The following GALNTL6 variants were observed in gnomAD, a reference collection of about 807,000 sequenced individuals.
GALNTL6 encodes polypeptide N-acetylgalactosaminyltransferase-like 6.
GALNTL6 carries 46 observed loss-of-function variants against 73.7 expected under a neutral mutation model. The observed-to-expected ratio is 0.62, with a 90% CI of 0.49 to 0.80. The LOEUF (loss-of-function observed/expected upper bound fraction) is 0.80, where lower values mean the gene tolerates loss of function less well. GALNTL6 is among the 30% of genes least tolerant of loss of function. The probability of loss-of-function intolerance (pLI) is 0.00; values close to 1 mark genes in which losing one functional copy is unlikely to be tolerated. For synonymous variants in GALNTL6, 259 were observed against 263.7 expected (o/e 0.98, Z 0.17); for missense variants, 604 against 755.0 (o/e 0.80, Z 2.34).
chr4:172,953,855 G>T (rs531486864), intron 10 of GALNTL6, among the ~76,000 whole-genome samples: 1 of 152,300 alleles, frequency 6.6e-6, no homozygotes, highest in Admixed American at 6.5e-5. Flanking sequence ...AGTAATATTA[G>T]CCTGCTTGTA....
At chr4:172,868,539 G>A (rs1744772983) in intron 7 of GALNTL6, among the ~76,000 whole-genome samples, 1 of 152,206 alleles carries the variant, frequency 6.6e-6, no homozygotes, top group South Asian at 2.1e-4. Context: ...CAATGCACCA[G>A]TGGATCTTTG....
intron 7 of GALNTL6, among the ~76,000 whole-genome samples, chr4:172,848,290 C>A (rs1743621623): frequency 6.6e-6 from 1 of 152,166 alleles, no homozygotes; most frequent in Non-Finnish European, 1.5e-5. Context: ...ATCTAAGCAT[C>A]CTTCCTGTCA....
chr4:172,599,389 A>C (rs980172536), intron 5 of GALNTL6, among the ~76,000 whole-genome samples: 5 of 152,268 alleles, frequency 3.3e-5, no homozygotes, highest in African/African-American at 1.2e-4. Context: ...TGCCAAAAAT[A>C]AAGAAAAAAA....
Position 172,651,364 on chromosome 4 carries a change from C to CA in GALNTL6, c.554-157994dup, listed in dbSNP as rs145184057. Among the ~76,000 whole-genome samples the CA allele has an allele frequency of 4.0e-3, 606 of 152,302 alleles. 3 individuals carry two copies. Among genetic ancestry groups the CA allele is most frequent in the African/African-American group, 0.014 (570 of 41,566 alleles). ...GCTGTGAATGCAATTTTATTGCAGTCAAACAACTTCAAGTTTCACAATATT... is the reference window on the plus strand; with the variant it reads ...GCTGTGAATGCAATTTTATTGCAGTCAAAACAACTTCAAGTTTCACAATATT... On this transcript the variant is annotated intron_variant, in intron 5 of 12. Transcript: ENST00000506823.
chr4:172,835,452 T>A (rs1742861244), intron 7 of GALNTL6, among the ~76,000 whole-genome samples: 1 of 152,182 alleles, frequency 6.6e-6, no homozygotes, highest in South Asian at 2.1e-4. Context: ...GTTTTAACAG[T>A]CTTGGCTCCA....
Position 172,131,968 on chromosome 4 carries a change from A to C in GALNTL6, c.139-97688A>C, listed in dbSNP as rs551051460. 5.9e-5 allele frequency among the ~76,000 whole-genome samples: 9 copies of C among 152,214 alleles called. No homozygotes were observed. In the South Asian group the frequency reaches 1.9e-3, roughly 32 times the overall value. On this transcript the variant is annotated intron_variant, in intron 2 of 12. Coordinates refer to ENST00000506823, the MANE Select transcript of GALNTL6 (RefSeq NM_001034845.3). ...TGTTTTGTAGAGCAAAGCTCTTATA[A>C]AATAGTATATATTATTCTTCAGAGT...
At chr4:171,956,447 AG>A (rs1739052303) in intron 2 of GALNTL6, among the ~76,000 whole-genome samples, 1 of 152,210 alleles carries the variant, frequency 6.6e-6, no homozygotes, top group Non-Finnish European at 1.5e-5. Flanking sequence ...TGTATATGAC[AG>A]GGTTGATAAA....
At chr4:172,416,277 A>C (rs1202054225) in intron 5 of GALNTL6, among the ~76,000 whole-genome samples, 1 of 152,200 alleles carries the variant, frequency 6.6e-6, no homozygotes, top group East Asian at 1.9e-4. Flanking sequence ...GGAAAAGAAA[A>C]TATTTCTGAA....
chr4:172,147,338 G>A (rs1200217782), intron 2 of GALNTL6, among the ~76,000 whole-genome samples: 3 of 152,122 alleles, frequency 2.0e-5, no homozygotes, highest in African/African-American at 4.8e-5. Flanking sequence ...TCTCATTATC[G>A]CTTAAGGTAC....
chr4:172,693,113 A>G (rs1301813516), intron 5 of GALNTL6, among the ~76,000 whole-genome samples: 1 of 152,226 alleles, frequency 6.6e-6, no homozygotes, highest in East Asian at 1.9e-4. Context: ...AAATAGGGCA[A>G]ATGGAACAGA....
intron 5 of GALNTL6, among the ~76,000 whole-genome samples, chr4:172,644,382 A>G (rs747664922): frequency 6.6e-6 from 1 of 151,996 alleles, no homozygotes; most frequent in Non-Finnish European, 1.5e-5. Flanking sequence ...TCAGCACCCC[A>G]GAAAGATCTC....
At chr4:172,273,461 G>A (rs906024646) in intron 3 of GALNTL6, among the ~76,000 whole-genome samples, 6 of 151,854 alleles carry the variant, frequency 4.0e-5, no homozygotes, top group South Asian at 2.1e-4. Flanking sequence ...AGGGGCAGTC[G>A]GAAAAAGAAA....
At chr4:172,949,745 T>C (rs1440437062) in intron 9 of GALNTL6, among the ~76,000 whole-genome samples, 3 of 151,426 alleles carry the variant, frequency 2.0e-5, no homozygotes, top group Admixed American at 2.0e-4. Flanking sequence ...CCATCTCTAC[T>C]AAAAATACAA....
intron 2 of GALNTL6, among the ~76,000 whole-genome samples, chr4:171,967,450 T>TTTTTTTTTGTTG (rs772982016): frequency 1.5e-5 from 2 of 133,364 alleles, no homozygotes; most frequent in African/African-American, 6.6e-5. Context: ...CCTATGGGTT[T>TTTTTTTTTGTTG]TTTTTTTTTT....
intron 2 of GALNTL6, among the ~76,000 whole-genome samples, chr4:172,115,109 T>G (rs2110986358): frequency 6.6e-6 from 1 of 152,250 alleles, no homozygotes; most frequent in East Asian, 1.9e-4. Flanking sequence ...CTACTATCAT[T>G]TATTCTTCTT....
intron 5 of GALNTL6, among the ~76,000 whole-genome samples, chr4:172,369,399 A>G (rs1742697568): frequency 6.6e-6 from 1 of 152,318 alleles, no homozygotes; most frequent in African/African-American, 2.4e-5. Context: ...CACCCAACTC[A>G]GGAGCCCAGC....
chr4:172,497,526 T>C (rs1734106124), intron 5 of GALNTL6, among the ~76,000 whole-genome samples: 1 of 152,250 alleles, frequency 6.6e-6, no homozygotes, highest in Admixed American at 6.5e-5. Context: ...CCAGCTTTCA[T>C]GATTCATCCA....
At chr4:172,369,258 T>C (rs746589508) in intron 5 of GALNTL6, among the ~76,000 whole-genome samples, 1 of 152,164 alleles carries the variant, frequency 6.6e-6, no homozygotes, top group Non-Finnish European at 1.5e-5. Context: ...GCATAAAAGT[T>C]CTCCAAGTCC....
At chr4:171,971,226 C>T (rs554176529) in intron 2 of GALNTL6, among the ~76,000 whole-genome samples, 5 of 152,254 alleles carry the variant, frequency 3.3e-5, no homozygotes, top group African/African-American at 1.2e-4. Context: ...GCCACCATTC[C>T]CGATCCTCCC....
Sources: gnomAD v4.1 joint callset for allele counts (sites outside exome capture counted in the v4.1 genomes callset) on GRCh38, gnomAD v4.1.1 for gene constraint, MANE v1.5 for transcripts, NCBI Gene and HGNC (gene_info 2026-07-23, HGNC 2026-07-21) for gene names.